Variants in SESN1 observed in about 807,000 individuals in gnomAD.
SESN1 encodes the protein sestrin 1.
SESN1 carries 30 observed loss-of-function variants against 59.3 expected under a neutral mutation model. That is an observed-to-expected ratio of 0.51 (90% CI 0.38 to 0.69). SESN1 has a LOEUF of 0.69. SESN1 is among the 30% of genes least tolerant of loss of function. SESN1 has a pLI of 0.00. For missense variants in SESN1, 566 were observed against 673.0 expected, an observed-to-expected ratio of 0.84 and a Z score of 1.76; for synonymous variants, 197 against 219.9, an observed-to-expected ratio of 0.90 and a Z score of 0.92.
In SESN1 at chr6:108,990,855, C is replaced by A. The variant is rs777862727; in HGVS notation, c.1234-20G>T. On this transcript the variant is annotated intron_variant, in intron 7 of 9. Coordinates refer to ENST00000436639, the MANE Select transcript of SESN1 (RefSeq NM_014454.3). ...ATAGTCCTAAATACAGGGAATAGAA[C>A]AAATGTGAATAAATGTGGTCAAGTA... is the stretch of plus-strand genomic sequence containing the variant. 2 of 1,600,322 alleles carry A rather than the reference C, an allele frequency of 1.2e-6. 1 individual carries two copies. The highest frequency in any genetic ancestry group is 2.2e-5 in the South Asian group (2 of 90,686).
At chr6:109,011,632 C>CTTT (rs1208292681) in intron 1 of SESN1, among the ~76,000 whole-genome samples, 1 of 138,658 alleles carries the variant, frequency 7.2e-6, no homozygotes, top group South Asian at 2.3e-4. Flanking sequence ...AATTTTTTTT[C>CTTT]TTTTTTTTTT....
intron 1 of SESN1, among the ~76,000 whole-genome samples, chr6:109,022,364 T>C (rs540876932): frequency 6.6e-6 from 1 of 150,818 alleles, no homozygotes; most frequent in African/African-American, 2.4e-5. Context: ...GATTTGATAT[T>C]AATAGAATAT....
At chr6:109,015,727 C>G (rs142714786) in intron 1 of SESN1, among the ~76,000 whole-genome samples, 11 of 152,088 alleles carry the variant, frequency 7.2e-5, no homozygotes, top group African/African-American at 2.7e-4. Flanking sequence ...CTAGGCGCTA[C>G]TGAAGGTTTT....
chr6:109,018,673 T>C (rs1262922064), intron 1 of SESN1, among the ~76,000 whole-genome samples: 8 of 152,242 alleles, frequency 5.3e-5, no homozygotes, highest in Non-Finnish European at 2.9e-5. Context: ...AGAATGCAAG[T>C]AGTTGTTTGA....
At position 109,087,055 on chromosome 6, in the gene SESN1, C is replaced by T. The variant is rs577998933; in HGVS notation, c.279+6740G>A. ...GCTGAGGCAGGAGAATTGCTTGACCCGGGAGGCAGAGGTTGCAGTGAGCCA... is the reference window on the plus strand; with the variant it reads ...GCTGAGGCAGGAGAATTGCTTGACCTGGGAGGCAGAGGTTGCAGTGAGCCA... On this transcript the variant is annotated intron_variant, in intron 1 of 9. Coordinates refer to ENST00000436639, the MANE Select transcript of SESN1 (RefSeq NM_014454.3). 3.9e-5 allele frequency among the ~76,000 whole-genome samples: 6 copies of T among 152,208 alleles called. No homozygotes were observed. The East Asian group carries it at 9.6e-4, about 24-fold the overall frequency.
chr6:109,009,498 G>C (rs1240768603), intron 1 of SESN1: 3 of 1,224,458 alleles, frequency 2.5e-6, no homozygotes, highest in East Asian at 6.8e-5. Context: ...CGGAGGCGGC[G>C]AGCGCTGGGC....
intron 1 of SESN1, among the ~76,000 whole-genome samples, chr6:109,041,159 A>G (rs1347396534): frequency 6.6e-6 from 1 of 151,022 alleles, no homozygotes; most frequent in Non-Finnish European, 1.5e-5. Flanking sequence ...AAAACAAACC[A>G]AAACTAGCCA....
chr6:109,093,877 A>C lies in SESN1; in HGVS notation c.197T>G (p.Leu66Arg), dbSNP rs779837508. The change falls in exon 1 of 10, where the codon CTT (leucine) becomes CGT (arginine). Residue 66 changes from leucine to arginine, a missense_variant. Leu to Arg is a moderately radical substitution (Grantham distance 102). Transcript: ENST00000436639. ...TESSDGLNKL[L>R]AHLLMLSKRC... ...CTTAGAAAGCATAAGCAGATGAGCA[A>C]GTAGCTTATTCAACCCATCCGAAGA... 2.5e-6 allele frequency: 4 copies of C among 1,614,228 alleles called. No homozygotes were observed. The East Asian group carries it at 8.9e-5, about 36-fold the overall frequency.
chr6:109,022,255 G>C (rs775228819), intron 1 of SESN1, among the ~76,000 whole-genome samples: 1 of 151,946 alleles, frequency 6.6e-6, no homozygotes, highest in Non-Finnish European at 1.5e-5. Flanking sequence ...GTAGCAGTTA[G>C]GTAAATGAAT....
chr6:108,985,713 AGAG>A lies in SESN1; in HGVS notation c.*1828_*1830del, dbSNP rs1186543343. On this transcript the variant is annotated 3_prime_UTR_variant, in exon 10 of 10. Transcript: ENST00000436639. ...CTCTACTAGAAATTTTGTATTTTCA[AGAG>A]GAGGAACAAAGAGCAGAAATGGGAT... Among the ~76,000 whole-genome samples the A allele has an allele frequency of 6.6e-6, 1 of 152,154 alleles. No individual in the cohort carries two copies. Among genetic ancestry groups the A allele is most frequent in the Non-Finnish European group, 1.5e-5 (1 of 68,018 alleles).
intron 1 of SESN1, among the ~76,000 whole-genome samples, chr6:109,056,420 C>T (rs1356310188): frequency 6.6e-6 from 1 of 151,436 alleles, no homozygotes; most frequent in Non-Finnish European, 1.5e-5. Context: ...ACAACAACAA[C>T]AAAAAGCAAT....
At chr6:109,067,780 A>C (rs1780859714) in intron 1 of SESN1, among the ~76,000 whole-genome samples, 1 of 152,244 alleles carries the variant, frequency 6.6e-6, no homozygotes, top group South Asian at 2.1e-4. Flanking sequence ...AATAGCATGA[A>C]ACAGACACAA....
At position 108,986,202 on chromosome 6, in the gene SESN1, A is replaced by ACTC. The variant is rs1424701462; in HGVS notation, c.*1339_*1341dup. Among the ~76,000 whole-genome samples, 1 of 152,112 alleles carries ACTC rather than the reference A, an allele frequency of 6.6e-6. No homozygotes were observed. The highest frequency in any genetic ancestry group is 2.4e-5 in the African/African-American group (1 of 41,416). On this transcript the variant is annotated 3_prime_UTR_variant, in exon 10 of 10. Transcript: ENST00000436639. ...TAGTAATTCTTAAAATTCTATTGGA[A>ACTC]CTCTAAAACAGTTGAAAAGAGAGCA...
chr6:109,053,065 T>C (rs551944629), intron 1 of SESN1, among the ~76,000 whole-genome samples: 17 of 152,096 alleles, frequency 1.1e-4, no homozygotes, highest in East Asian at 1.9e-4. Context: ...TGTGTGTGTG[T>C]GCGTGCGTGT....
chr6:109,011,047 T>C (rs1255582907), intron 1 of SESN1, among the ~76,000 whole-genome samples: 1 of 152,216 alleles, frequency 6.6e-6, no homozygotes, highest in Non-Finnish European at 1.5e-5. Flanking sequence ...AGAGTTGAGG[T>C]ATGATTTTAT....
chr6:109,073,686 G>A (rs928672017), intron 1 of SESN1, among the ~76,000 whole-genome samples: 1 of 152,116 alleles, frequency 6.6e-6, no homozygotes, highest in African/African-American at 2.4e-5. Context: ...TAACAGCCAA[G>A]GTGTTTGAAA....
At chr6:109,046,710 A>C (rs1425633169) in intron 1 of SESN1, among the ~76,000 whole-genome samples, 1 of 118,796 alleles carries the variant, frequency 8.4e-6, no homozygotes, top group African/African-American at 3.3e-5. Flanking sequence ...ATCGTCTGAG[A>C]TGTGGGGAGC....
At chr6:109,042,531 GA>G (rs911093511) in intron 1 of SESN1, among the ~76,000 whole-genome samples, 2 of 148,230 alleles carry the variant, frequency 1.3e-5, no homozygotes, top group Admixed American at 6.7e-5. Flanking sequence ...GGATTATTGC[GA>G]AAAAAAAAAA....
intron 1 of SESN1, among the ~76,000 whole-genome samples, chr6:109,057,538 A>G (rs1780656516): frequency 1.3e-5 from 2 of 152,168 alleles, no homozygotes; most frequent in Non-Finnish European, 2.9e-5. Flanking sequence ...CCAAAATTCA[A>G]TTACTGTTTC....
Sources: allele counts gnomAD v4.1 joint callset (sites outside exome capture counted in the v4.1 genomes callset), GRCh38; gene constraint gnomAD v4.1.1; transcripts MANE v1.5; gene names NCBI Gene and HGNC (gene_info 2026-07-23, HGNC 2026-07-21).